Variants in AGXT observed in about 807,000 individuals in gnomAD.
The protein encoded by AGXT is L-alanine: glyoxylate aminotransferase 1.
AGXT carries 41 observed loss-of-function variants against 46.9 expected under a neutral mutation model. The observed-to-expected ratio is 0.88, with a 90% confidence interval of 0.68 to 1.14. AGXT has a LOEUF of 1.14. Ranked by LOEUF, AGXT falls within the 50% of genes most tolerant of loss-of-function variation. The probability of loss-of-function intolerance (pLI) is 0.00; values close to 1 mark genes in which losing one functional copy is unlikely to be tolerated. For synonymous variants in AGXT, 244 were observed against 227.9 expected (o/e 1.07, Z -0.64); for missense variants, 525 against 522.7 (o/e 1.00, Z -0.04).
Position 240,871,075 on chromosome 2 carries a change from G to A in AGXT, c.424-274G>A, listed in dbSNP as rs1247257931. The stretch of plus-strand genomic sequence containing the variant: ...AAGTCAACCTCAGCCTACCCGGAGT[G>A]TGGGGACTCAGTCCATCTAGCAACA... On this transcript the variant is annotated intron_variant, in intron 3 of 10. Coordinates refer to ENST00000307503, the MANE Select transcript of AGXT (RefSeq NM_000030.3). 9 of 588,932 alleles carry A rather than the reference G, an allele frequency of 1.5e-5. No homozygotes were observed. The Admixed American group carries it at 2.1e-4, about 13-fold the overall frequency. 36.5% of individuals were successfully genotyped at this position (588,932 alleles called of 1,614,324 possible). A position where few individuals can be genotyped will look rare whatever the true frequency, so the allele number is the denominator to read the frequency against.
chr2:240,877,192 A>C, intron 8 of AGXT: 1 of 480,586 alleles, frequency 2.1e-6, no homozygotes, highest in African/African-American at 1.9e-5. Context: ...CAGCACCCTG[A>C]GCCCTGGCCC....
chr2:240,875,815 G>A, intron 7 of AGXT, 120 bp from the exon 8 acceptor site: 1 of 1,125,652 alleles, frequency 8.9e-7, no homozygotes. Context: ...CTCCTCTGCG[G>A]AGGATACCGG....
At chr2:240,872,091 A>G (rs2058993768) in intron 4 of AGXT, among the ~76,000 whole-genome samples, 1 of 152,262 alleles carries the variant, frequency 6.6e-6, no homozygotes, top group Non-Finnish European at 1.5e-5. Context: ...TGCGGCCAGC[A>G]CGAGATACTT....
rs933418417 is a variant in AGXT, at chr2:240,878,797, G to A, written c.1155G>A (p.Gln385=). ...CGGAGGCCCTGAGGGCGGCCCTGCAGCACTGCCCCAAGAAGAAGCTGTGAC... is the reference window on the plus strand; with the variant it reads ...CGGAGGCCCTGAGGGCGGCCCTGCAACACTGCCCCAAGAAGAAGCTGTGAC... ...RVTEALRAAL[Q]HCPKKKL is the part of the protein sequence containing the mutation. The change falls in exon 11 of 11, where the codon CAG becomes CAA. Residue 385 remains glutamine (Q), a synonymous_variant. Coordinates refer to ENST00000307503, the MANE Select transcript of AGXT (RefSeq NM_000030.3). The A allele has an allele frequency of 3.1e-6, 5 of 1,594,232 alleles. No individual in the cohort carries two copies. Among genetic ancestry groups the A allele is most frequent in the African/African-American group, 1.3e-5 (1 of 74,766 alleles).
chr2:240,871,036 C>T (rs1366539373), intron 3 of AGXT, among the ~76,000 whole-genome samples: 1 of 152,094 alleles, frequency 6.6e-6, no homozygotes, highest in African/African-American at 2.4e-5. Context: ...CAGGATACCC[C>T]ACCCTGTGGG....
chr2:240,870,550 C>T, intron 2 of AGXT, 94 bp from the exon 3 acceptor site: 14 of 1,465,852 alleles, frequency 9.6e-6, no homozygotes, highest in Non-Finnish European at 1.3e-5. Flanking sequence ...GGGTCCAGCC[C>T]TCACAGGGCC....
Position 240,873,993 on chromosome 2 carries a change from A to G in AGXT, c.611A>G (p.Tyr204Cys). ...YMDRQGIDIL[Y>C]SGSQKALNAP... is the part of the protein sequence containing the mutation. ...CCATCTACAGGCATCGACATCCTGT[A>G]CTCGGGCTCCCAGAAGGCCCTGAAC... is the stretch of plus-strand genomic sequence containing the variant. The change falls in exon 6 of 11, where the codon TAC becomes TGC. Residue 204 changes from tyrosine (Y) to cysteine (C), a missense_variant. By Grantham distance (194) the Tyr-to-Cys change is radical. Coordinates refer to ENST00000307503, the MANE Select transcript of AGXT (RefSeq NM_000030.3). 6.2e-7 allele frequency: 1 copy of G among 1,613,644 alleles called. No individual in the cohort carries two copies.
At chr2:240,872,159 T>G (rs934316917) in intron 4 of AGXT, among the ~76,000 whole-genome samples, 98 of 151,842 alleles carry the variant, frequency 6.5e-4, no homozygotes, top group Non-Finnish European at 1.0e-3. Flanking sequence ...TGAGAGTTTG[T>G]GAACATGGAG....
chr2:240,871,341 T>C lies in AGXT; in HGVS notation c.424-8T>C. The C allele has an allele frequency of 6.4e-7, 1 of 1,570,356 alleles. No individual in the cohort carries two copies. The highest frequency in any genetic ancestry group is 8.6e-7 in the Non-Finnish European group (1 of 1,158,466). On this transcript the variant is annotated splice_polypyrimidine_tract_variant and splice_region_variant and intron_variant, in intron 3 of 10. Coordinates refer to ENST00000307503, the MANE Select transcript of AGXT (RefSeq NM_000030.3). ...GAGCTCCACCCACAGCCGTCCCTGC[T>C]TCCTCAGGGCCTGGCCCAGCACAAG...
chr2:240,877,630 C>A lies in AGXT; in HGVS notation c.940C>A (p.Pro314Thr). ...ALGLQLFVKD[P>T]ALRLPTVTTV... Reference sequence around the variant, plus strand: ...GGGGCTGCAGCTCTTCGTGAAGGACCCGGTAAGGAGGCCCCTGGCATTGGG... The same window carrying A: ...GGGGCTGCAGCTCTTCGTGAAGGACACGGTAAGGAGGCCCCTGGCATTGGG... The change falls in exon 9 of 11, where the codon CCG (proline) becomes ACG (threonine). Residue 314 changes from proline to threonine, a missense_variant and splice_region_variant. By Grantham distance (38) the Pro-to-Thr change is conservative. Transcript: ENST00000307503. 1.9e-6 allele frequency: 3 copies of A among 1,550,740 alleles called. No homozygotes were observed. Among genetic ancestry groups the A allele is most frequent in the Non-Finnish European group, 2.6e-6 (3 of 1,146,978 alleles).
intron 8 of AGXT, 27 bp downstream of exon 8, chr2:240,876,031 A>C: frequency 1.9e-6 from 3 of 1,611,732 alleles, no homozygotes; most frequent in Middle Eastern, 1.7e-4. Flanking sequence ...CCACAGGAGG[A>C]GACAGGGCCA....
chr2:240,874,291 C>T (rs1304557386), intron 6 of AGXT, among the ~76,000 whole-genome samples: 1 of 152,134 alleles, frequency 6.6e-6, no homozygotes, highest in African/African-American at 2.4e-5. Context: ...GAGTCCACTG[C>T]TCTGGAAGTT....
chr2:240,877,536 G>C lies in AGXT; in HGVS notation c.847-1G>C, dbSNP rs180177285. On this transcript the variant is annotated splice_acceptor_variant, in intron 8 of 10. Transcript: ENST00000307503. LOFTEE classifies it high-confidence loss of function. ...GCCCACCAGCGCCATCTCCCACACA[G>C]GGCCTGGAGAACAGCTGGCGCCAGC... 2.6e-6 allele frequency: 4 copies of C among 1,547,836 alleles called. No individual in the cohort carries two copies. Among genetic ancestry groups the C allele is most frequent in the Non-Finnish European group, 3.5e-6 (4 of 1,144,976 alleles).
chr2:240,869,037 G>C lies in AGXT; in HGVS notation c.165+7G>C. On this transcript the variant is annotated splice_region_variant and intron_variant, in intron 1 of 10. Transcript: ENST00000307503. ...GAGCAAGGATATGTACCAGGTAGGA[G>C]TGGGGGTCACTCGGGGGGCCTGGGT... The C allele has an allele frequency of 7.6e-7, 1 of 1,320,006 alleles. No homozygotes were observed. Among genetic ancestry groups the C allele is most frequent in the Non-Finnish European group, 1.0e-6 (1 of 968,082 alleles). 81.8% of individuals were successfully genotyped at this position (1,320,006 alleles called of 1,614,324 possible).
chr2:240,877,607 G>C lies in AGXT; in HGVS notation c.917G>C (p.Gly306Ala). The C allele has an allele frequency of 6.4e-7, 1 of 1,550,936 alleles. No homozygotes were observed. The highest frequency in any genetic ancestry group is 8.7e-7 in the Non-Finnish European group (1 of 1,147,000). ...AYLHGRLQAL[G>A]LQLFVKDPAL... ...CTGCATGGGCGCCTGCAGGCACTGG[G>C]GCTGCAGCTCTTCGTGAAGGACCCG... The change falls in exon 9 of 11, where the codon GGG (glycine) becomes GCG (alanine). Residue 306 changes from glycine to alanine, a missense_variant. Transcript: ENST00000307503.
chr2:240,872,853 G>A, intron 4 of AGXT, 126 bp from the exon 5 acceptor site: 2 of 802,588 alleles, frequency 2.5e-6, no homozygotes, highest in Non-Finnish European at 4.4e-6. Context: ...TCCTGGGGTG[G>A]AGGTGGGAGG....
At chr2:240,874,970 G>A (rs1435990573) in intron 6 of AGXT, 139 bp from the exon 7 acceptor site, 5 of 725,018 alleles carry the variant, frequency 6.9e-6, no homozygotes, top group Non-Finnish European at 1.2e-5. Context: ...TCTGGCCCCT[G>A]AGCACAAATG....
At chr2:240,870,583 C>A in intron 2 of AGXT, 61 bp from the exon 3 acceptor site, 6 of 1,537,694 alleles carry the variant, frequency 3.9e-6, no homozygotes, top group Non-Finnish European at 5.3e-6. Context: ...GCCACGGGTG[C>A]CCAACACTGG....
At position 240,869,197 on chromosome 2, in the gene AGXT, C is replaced by A. The variant is rs2058978010; in HGVS notation, c.193C>A (p.Gln65Lys). Residue 65 changes from glutamine to lysine, a missense_variant, in exon 2 of 11, where the codon CAG becomes AAG. Physicochemically the swap from Gln to Lys is moderately conservative, Grantham distance 53. Transcript: ENST00000307503. ...QIMDEIKEGI[Q>K]YVFQTRNPLT... is the part of the protein sequence containing the mutation. ...CATGGACGAGATCAAGGAAGGCATC[C>A]AGTACGTGTTCCAGACCAGGAACCC... is the stretch of plus-strand genomic sequence containing the variant. The A allele has an allele frequency of 2.0e-6, 3 of 1,518,036 alleles. No homozygotes were observed. The highest frequency in any genetic ancestry group is 1.1e-5 in the South Asian group (1 of 89,038). 94.0% of individuals were successfully genotyped at this position (1,518,036 alleles called of 1,614,324 possible). A position where few individuals can be genotyped will look rare whatever the true frequency, so the allele number is the denominator to read the frequency against.
Sources: gnomAD v4.1 joint callset for allele counts (sites outside exome capture counted in the v4.1 genomes callset) on GRCh38, gnomAD v4.1.1 for gene constraint, MANE v1.5 for transcripts, NCBI Gene and HGNC (gene_info 2026-07-23, HGNC 2026-07-21) for gene names.